Variants in MACF1 observed in about 807,000 individuals in gnomAD.
MACF1 encodes the protein microtubule actin crosslinking factor 1, also known as microtubule-actin cross-linking factor 1.
In MACF1, 193 loss-of-function variants were observed where a neutral mutation model predicts 854.8. That is an observed-to-expected ratio of 0.23 (90% CI 0.20 to 0.25). The LOEUF is 0.25. MACF1 is among the 10% of genes least tolerant of loss of function. MACF1 has a pLI of 1.00. For synonymous variants in MACF1, 3,185 were observed against 3,226.7 expected, an observed-to-expected ratio of 0.99 and a Z score of 0.44; for missense variants, 7,722 against 8,929.1, an observed-to-expected ratio of 0.86 and a Z score of 5.45.
chr1:39,256,149 C>T (rs1421500887), intron 5 of MACF1, among the ~76,000 whole-genome samples: 2 of 151,936 alleles, frequency 1.3e-5, no homozygotes, highest in Non-Finnish European at 2.9e-5. Context: ...GATGATGAGG[C>T]AGGAAAAGAG....
chr1:39,084,554 C>A lies in MACF1; in HGVS notation c.220+116C>A. The A allele has an allele frequency of 1.3e-6, 1 of 780,700 alleles. No homozygotes were observed. Among genetic ancestry groups the A allele is most frequent in the Non-Finnish European group, 2.0e-6 (1 of 492,188 alleles). 48.4% of individuals were successfully genotyped at this position (780,700 alleles called of 1,614,324 possible). On this transcript the variant is annotated intron_variant, in intron 2 of 93. Coordinates refer to the MACF1 transcript ENST00000361689. This position sits in a 1 kb window ranked among gnomAD's most constrained non-coding sequence, Gnocchi z 5.2. Reference sequence around the variant, plus strand: ...TCACCAGGGCCTCTGACAAAGCAGCCATCATCTGATTTGTTATTATTATTC... The same window carrying A: ...TCACCAGGGCCTCTGACAAAGCAGCAATCATCTGATTTGTTATTATTATTC...
intron 2 of MACF1, among the ~76,000 whole-genome samples, chr1:39,151,605 A>C (rs1234827569): frequency 6.6e-6 from 1 of 152,148 alleles, no homozygotes; most frequent in East Asian, 1.9e-4. Context: ...CCTCTGTCTG[A>C]AACACCCTGT....
intron 10 of MACF1, 59 bp downstream of exon 10, chr1:39,284,244 C>A: frequency 6.3e-7 from 1 of 1,591,856 alleles, no homozygotes; most frequent in Admixed American, 1.8e-5. Flanking sequence ...AGTCTCCAAG[C>A]TTATCACTGC....
intron 1 of MACF1, chr1:39,206,709 G>A (rs762178056): frequency 6.6e-6 from 1 of 152,132 alleles, no homozygotes; most frequent in Non-Finnish European, 1.5e-5. Flanking sequence ...TCTGTAAAAT[G>A]AGAGATGTCA....
intron 46 of MACF1, 61 bp downstream of exon 46, chr1:39,358,934 C>A: frequency 6.5e-7 from 1 of 1,532,004 alleles, no homozygotes; most frequent in Non-Finnish European, 8.8e-7. Context: ...GCGTAAAGTA[C>A]CCCAAAATAA....
intron 2 of MACF1, among the ~76,000 whole-genome samples, chr1:39,139,556 T>G (rs1033360185): frequency 1.4e-4 from 21 of 152,194 alleles, no homozygotes; most frequent in African/African-American, 4.6e-4. Flanking sequence ...TAAAATGAAC[T>G]AGTGCTTTCT....
At chr1:39,478,035 C>G (rs1230048342) in intron 97 of MACF1, among the ~76,000 whole-genome samples, 1 of 128,092 alleles carries the variant, frequency 7.8e-6, no homozygotes, top group Non-Finnish European at 1.6e-5. Flanking sequence ...TGGGGTCTCA[C>G]TCTGTCACCC....
At position 39,371,187 on chromosome 1, in the gene MACF1, C is replaced by A. The variant is rs574347682; in HGVS notation, c.13095+1001C>A. ...TACAAAAATTAGCTGGACGTGGTGG[C>A]AGGTGCCTGTAATCCCAGCTACTCA... is the stretch of plus-strand genomic sequence containing the variant. On this transcript the variant is annotated intron_variant, in intron 51 of 100. Transcript: ENST00000564288. Among the ~76,000 whole-genome samples the A allele has an allele frequency of 1.2e-4, 18 of 151,966 alleles. No individual in the cohort carries two copies. The South Asian group carries it at 3.1e-3, about 26-fold the overall frequency.
intron 38 of MACF1, among the ~76,000 whole-genome samples, chr1:39,339,137 C>G (rs1557597409): frequency 6.6e-6 from 1 of 152,006 alleles, no homozygotes; most frequent in Non-Finnish European, 1.5e-5. Flanking sequence ...CACCCTAGTC[C>G]CAGCCACTCA....
At chr1:39,370,227 G>A in intron 51 of MACF1, 41 bp downstream of exon 51, 1 of 1,537,420 alleles carries the variant, frequency 6.5e-7, no homozygotes, top group Non-Finnish European at 8.8e-7. Context: ...GCTAGGCACT[G>A]GTTTGAATAC....
At chr1:39,379,520 G>C (rs944015947) in intron 54 of MACF1, 76 bp downstream of exon 54, 7 of 1,501,320 alleles carry the variant, frequency 4.7e-6, no homozygotes, top group East Asian at 4.6e-5. Flanking sequence ...CCCAAGCCCA[G>C]GTATCTGAGA....
intron 81 of MACF1, 35 bp downstream of exon 81, chr1:39,447,622 A>T (rs1425621855): frequency 1.2e-6 from 2 of 1,613,482 alleles, no homozygotes; most frequent in East Asian, 4.5e-5. Context: ...ATTCTTTTTG[A>T]AAGCACTAAT....
intron 2 of MACF1, among the ~76,000 whole-genome samples, chr1:39,186,541 A>T (rs899494938): frequency 6.6e-6 from 1 of 152,024 alleles, no homozygotes; most frequent in African/African-American, 2.4e-5. Flanking sequence ...AATCAAAATT[A>T]TACATGTTCT....
At chr1:39,086,006 C>G (rs1641666125) in intron 2 of MACF1, among the ~76,000 whole-genome samples, 1 of 152,244 alleles carries the variant, frequency 6.6e-6, no homozygotes, top group Admixed American at 6.5e-5. Flanking sequence ...TCCGCTCTCA[C>G]AGTCATACTT....
At chr1:39,191,716 TAG>T (rs941886895) in intron 2 of MACF1, among the ~76,000 whole-genome samples, 10 of 152,232 alleles carry the variant, frequency 6.6e-5, no homozygotes, top group African/African-American at 1.4e-4. Context: ...CCCCAGATTT[TAG>T]AGAGTAAGGG....
At chr1:39,448,920 T>C (rs1268818112) in intron 84 of MACF1, among the ~76,000 whole-genome samples, 157 bp downstream of exon 84, 1 of 152,222 alleles carries the variant, frequency 6.6e-6, no homozygotes, top group East Asian at 1.9e-4. Flanking sequence ...ATAATTTAAA[T>C]AAAATGTGTA....
intron 6 of MACF1, among the ~76,000 whole-genome samples, chr1:39,273,296 C>T (rs548869897): frequency 5.1e-4 from 77 of 151,882 alleles, no homozygotes; most frequent in African/African-American, 1.5e-3. Context: ...GCCCCCACCA[C>T]GCCCAGCTAT....
intron 2 of MACF1, among the ~76,000 whole-genome samples, chr1:39,113,137 A>G (rs1642454491): frequency 1.3e-5 from 2 of 152,252 alleles, no homozygotes; most frequent in African/African-American, 2.4e-5. Context: ...TCCTACTGGC[A>G]TTCCAGACCC....
intron 2 of MACF1, among the ~76,000 whole-genome samples, chr1:39,146,451 A>G (rs957661210): frequency 6.9e-6 from 1 of 145,520 alleles, no homozygotes. Flanking sequence ...TCCTCTCCCA[A>G]AAAAAAAAAA....
Sources: allele counts gnomAD v4.1 joint callset (sites outside exome capture counted in the v4.1 genomes callset), GRCh38; gene constraint gnomAD v4.1.1; non-coding constraint Gnocchi (gnomAD v3.1); transcripts MANE v1.5; gene names NCBI Gene and HGNC (gene_info 2026-07-23, HGNC 2026-07-21).